MCTP2: variants seen among roughly 807,000 people sequenced by gnomAD.
The protein encoded by MCTP2 is multiple C2 and transmembrane domain containing 2, also known as multiple C2 and transmembrane domain-containing protein 2.
MCTP2 carries 132 observed loss-of-function variants against 111.6 expected under a neutral mutation model. That is an observed-to-expected ratio of 1.18 (90% CI 1.03 to 1.37). The LOEUF (loss-of-function observed/expected upper bound fraction) is 1.37. Ranked by LOEUF, MCTP2 falls within the 40% of genes most tolerant of loss-of-function variation. The pLI, the probability that MCTP2 is intolerant of heterozygous loss-of-function variation, is 0.00. For synonymous variants in MCTP2, 395 were observed against 387.7 expected (o/e 1.02, Z -0.22); for missense variants, 1,183 against 1,067.9 (o/e 1.11, Z -1.50).
chr15:94,298,762 GTC>G (rs752096854), intron 2 of MCTP2, 32 bp downstream of exon 2: 38,456 of 1,136,358 alleles, frequency 0.034, 1 homozygote, highest in South Asian at 0.068. Context: ...CTTTTTTTTT[GTC>G]TCTCTCTCTC....
chr15:94,300,212 A>G (rs901569542), intron 2 of MCTP2, among the ~76,000 whole-genome samples: 2 of 152,088 alleles, frequency 1.3e-5, no homozygotes, highest in Non-Finnish European at 2.9e-5. Flanking sequence ...ACCATTTAGA[A>G]CTTTTATTGT....
chr15:94,316,110 T>C (rs2076365737), intron 4 of MCTP2, among the ~76,000 whole-genome samples: 1 of 152,226 alleles, frequency 6.6e-6, no homozygotes, highest in Non-Finnish European at 1.5e-5. Context: ...TATTTATCTT[T>C]TACAAGTCTC....
intron 11 of MCTP2, among the ~76,000 whole-genome samples, 154 bp from the exon 12 acceptor site, chr15:94,369,933 C>G (rs577794249): frequency 2.0e-5 from 3 of 150,782 alleles, no homozygotes; most frequent in Non-Finnish European, 4.4e-5. Context: ...AGTGCCTAAC[C>G]GTCCTGTTAT....
At chr15:94,402,787 G>A in intron 17 of MCTP2, 1 of 1,407,278 alleles carries the variant, frequency 7.1e-7, no homozygotes, top group Admixed American at 2.9e-5. Flanking sequence ...TGTATATTTG[G>A]TATCATGCCA....
intron 4 of MCTP2, among the ~76,000 whole-genome samples, chr15:94,326,935 T>C (rs1400272785): frequency 6.6e-6 from 1 of 152,002 alleles, no homozygotes; most frequent in Non-Finnish European, 1.5e-5. Flanking sequence ...TTTCTTTAAA[T>C]TGTTTTCATC....
intron 1 of MCTP2, among the ~76,000 whole-genome samples, chr15:94,252,000 G>A (rs760880838): frequency 6.6e-6 from 1 of 152,130 alleles, no homozygotes; most frequent in Non-Finnish European, 1.5e-5. Flanking sequence ...ATAATATGTT[G>A]TATGTATTTA....
At chr15:94,326,570 T>TA (rs1462985143) in intron 4 of MCTP2, among the ~76,000 whole-genome samples, 1 of 150,516 alleles carries the variant, frequency 6.6e-6, no homozygotes, top group Non-Finnish European at 1.5e-5. Context: ...ATATTATTGT[T>TA]ACTTTTTTTT....
At chr15:94,251,167 G>A (rs954656279) in intron 1 of MCTP2, among the ~76,000 whole-genome samples, 3 of 152,276 alleles carry the variant, frequency 2.0e-5, no homozygotes, top group South Asian at 2.1e-4. Flanking sequence ...GCCACAGTGA[G>A]GACAGGACCC....
chr15:94,422,748 A>G lies in MCTP2; in HGVS notation c.2086-17428A>G, dbSNP rs543605065. On this transcript the variant is annotated intron_variant, in intron 17 of 22. Coordinates refer to ENST00000357742, the MANE Select transcript of MCTP2 (RefSeq NM_001385001.1). ...GCCAGCCGTTGCTCTATGAACCAGC[A>G]CTGTTGGATATTTTACCATCTCCAA... 3.3e-5 allele frequency among the ~76,000 whole-genome samples: 5 copies of G among 152,306 alleles called. No homozygotes were observed. In the South Asian group the frequency reaches 6.2e-4, roughly 19 times the overall value.
At chr15:94,446,169 G>T (rs1002811184) in intron 19 of MCTP2, among the ~76,000 whole-genome samples, 3 of 152,144 alleles carry the variant, frequency 2.0e-5, no homozygotes, top group African/African-American at 4.8e-5. Context: ...CTTTTCTTTT[G>T]CAGACTTTCA....
intron 1 of MCTP2, among the ~76,000 whole-genome samples, chr15:94,233,691 A>G (rs2070347695): frequency 6.6e-6 from 1 of 152,188 alleles, no homozygotes. Flanking sequence ...CGAGGAATCA[A>G]GTTCCTTATT....
intron 20 of MCTP2, among the ~76,000 whole-genome samples, chr15:94,468,972 G>A (rs1340117793): frequency 6.6e-6 from 1 of 152,106 alleles, no homozygotes; most frequent in Non-Finnish European, 1.5e-5. Context: ...CTCCTATACT[G>A]TTGATAGAAT....
At chr15:94,301,232 T>C (rs922540610) in intron 2 of MCTP2, among the ~76,000 whole-genome samples, 2 of 152,168 alleles carry the variant, frequency 1.3e-5, no homozygotes, top group African/African-American at 4.8e-5. Context: ...GTTGCTTTGC[T>C]GGGTGGCATG....
chr15:94,368,662 G>C (rs1339444829), intron 11 of MCTP2, among the ~76,000 whole-genome samples: 1 of 152,178 alleles, frequency 6.6e-6, no homozygotes, highest in African/African-American at 2.4e-5. Flanking sequence ...TGCAGAGTGC[G>C]CATGTGAGGC....
chr15:94,277,670 G>A (rs574954851), intron 1 of MCTP2, among the ~76,000 whole-genome samples: 10 of 152,088 alleles, frequency 6.6e-5, no homozygotes, highest in Non-Finnish European at 1.5e-4. Flanking sequence ...TTCAGGGGGA[G>A]GTAAGAGAGG....
chr15:94,330,261 A>G (rs529615510), intron 4 of MCTP2, among the ~76,000 whole-genome samples: 8 of 152,060 alleles, frequency 5.3e-5, no homozygotes, highest in African/African-American at 1.4e-4. Flanking sequence ...GTCCTGTTCT[A>G]TTTTTTTCTA....
chr15:94,443,991 A>AAC (rs1555476096), intron 19 of MCTP2, among the ~76,000 whole-genome samples: 2 of 144,740 alleles, frequency 1.4e-5, no homozygotes, highest in Non-Finnish European at 3.1e-5. Flanking sequence ...CAAAAAAAAA[A>AAC]AAAAAAAAAA....
chr15:94,433,925 T>C (rs1416956774), intron 17 of MCTP2, among the ~76,000 whole-genome samples: 1 of 152,180 alleles, frequency 6.6e-6, no homozygotes, highest in East Asian at 1.9e-4. Flanking sequence ...TGGTCAAATA[T>C]TTTGCACATT....
chr15:94,369,525 A>G (rs2079374240), intron 11 of MCTP2, among the ~76,000 whole-genome samples: 1 of 152,228 alleles, frequency 6.6e-6, no homozygotes, highest in East Asian at 1.9e-4. Flanking sequence ...ACTCAAGGCT[A>G]AAGTAAATAT....
Sources: gnomAD v4.1 joint callset for allele counts (sites outside exome capture counted in the v4.1 genomes callset) on GRCh38, gnomAD v4.1.1 for gene constraint, MANE v1.5 for transcripts, NCBI Gene and HGNC (gene_info 2026-07-23, HGNC 2026-07-21) for gene names.